Variants in CCDC146 observed in about 807,000 individuals in gnomAD.
CCDC146 encodes coiled-coil domain containing 146.
In CCDC146, 92 loss-of-function variants were observed where a neutral mutation model predicts 119.3. The observed-to-expected ratio is 0.77, with a 90% CI of 0.65 to 0.92. CCDC146 has a LOEUF of 0.92. Among genes scored for constraint, CCDC146 ranks in the 40% least tolerant of loss-of-function variants. The probability of loss-of-function intolerance (pLI) is 0.00; values close to 1 mark genes in which losing one functional copy is unlikely to be tolerated. For synonymous variants in CCDC146, 372 were observed against 371.8 expected (o/e 1.00, Z -0.01); for missense variants, 1,000 against 1,103.0 (o/e 0.91, Z 1.32).
In CCDC146 at chr7:77,262,343, C is replaced by T. The variant is rs766587390; in HGVS notation, c.1173+36C>T. On this transcript the variant is annotated intron_variant, in intron 9 of 18. Coordinates refer to ENST00000285871, the MANE Select transcript of CCDC146 (RefSeq NM_020879.3). ...TAAACTACCATCTGATTTTTAAGCT[C>T]GGTGCTAACTTTTGAAGTAAAAATA... 1.8e-5 allele frequency: 27 copies of T among 1,464,970 alleles called. No individual in the cohort carries two copies. In the East Asian group the frequency reaches 2.2e-4, roughly 12 times the overall value. The allele number at this position is 1,464,970 out of a possible 1,614,324, so 90.7% of individuals were successfully genotyped here.
intron 2 of CCDC146, among the ~76,000 whole-genome samples, chr7:77,207,189 T>TA (rs1792096782): frequency 6.6e-6 from 1 of 152,212 alleles, no homozygotes; most frequent in Non-Finnish European, 1.5e-5. Flanking sequence ...AAGGAAGTCT[T>TA]TTAAAACATG....
At chr7:77,133,182 AT>A (rs1470658484) in intron 1 of CCDC146, among the ~76,000 whole-genome samples, 3 of 151,680 alleles carry the variant, frequency 2.0e-5, no homozygotes, top group Non-Finnish European at 2.9e-5. Flanking sequence ...AAAAAAAAAA[AT>A]TTTTTTTGGC....
intron 17 of CCDC146, among the ~76,000 whole-genome samples, chr7:77,290,023 C>A (rs928761238): frequency 1.3e-5 from 2 of 152,146 alleles, no homozygotes; most frequent in Admixed American, 6.5e-5. Flanking sequence ...CTGGATTAAG[C>A]AAATGTGGTA....
In CCDC146 at chr7:77,293,175, C is replaced by A; in HGVS notation, c.2639C>A (p.Ala880Asp). 1.2e-6 allele frequency: 2 copies of A among 1,614,016 alleles called. No homozygotes were observed. The highest frequency in any genetic ancestry group is 2.2e-5 in the South Asian group (2 of 91,078). ...GTCCTTCGAGATGAAGAAATGCACGCCTTGGCCATCGCTGAAAAGTCTCAG... is the reference window on the plus strand; with the variant it reads ...GTCCTTCGAGATGAAGAAATGCACGACTTGGCCATCGCTGAAAAGTCTCAG... ...LKVLRDEEMH[A>D]LAIAEKSQEF... Residue 880 changes from alanine to aspartate, a missense_variant, in exon 18 of 19, where the codon GCC (alanine) becomes GAC (aspartate). Physicochemically the swap from Ala to Asp is moderately radical, Grantham distance 126. Transcript: ENST00000285871.
Position 77,196,500 on chromosome 7 carries a change from G to GAT in CCDC146, c.156+28679_156+28680dup, listed in dbSNP as rs1562829597. On this transcript the variant is annotated intron_variant, in intron 2 of 18. Coordinates refer to ENST00000285871, the MANE Select transcript of CCDC146 (RefSeq NM_020879.3). The surrounding 1 kb of genome is among the most constrained non-coding windows in gnomAD (Gnocchi z 4.2). ...TAGTACAGCCCACAGTTCCCAGAAG[G>GAT]ATATCGATCATTGTCTTTATCTGGA... is the stretch of plus-strand genomic sequence containing the variant. The GAT allele has an allele frequency of 1.2e-6, 2 of 1,614,096 alleles. No homozygotes were observed. The highest frequency in any genetic ancestry group is 2.2e-5 in the South Asian group (2 of 91,074).
At chr7:77,163,036 A>G (rs1402691790) in intron 1 of CCDC146, among the ~76,000 whole-genome samples, 3 of 152,268 alleles carry the variant, frequency 2.0e-5, no homozygotes, top group Non-Finnish European at 4.4e-5. Flanking sequence ...AAGAATTTGT[A>G]CAGATTCAGC....
Position 77,196,686 on chromosome 7 carries a change from C to G in CCDC146, c.156+28862C>G. 6.2e-7 allele frequency: 1 copy of G among 1,614,204 alleles called. No homozygotes were observed. The highest frequency in any genetic ancestry group is 8.5e-7 in the Non-Finnish European group (1 of 1,180,010). Reference sequence around the variant, plus strand: ...TATAGTTCGACACCATTAAAGTCTTCAAGATCTATTCTCAGAATCATTTCC... The same window carrying G: ...TATAGTTCGACACCATTAAAGTCTTGAAGATCTATTCTCAGAATCATTTCC... On this transcript the variant is annotated intron_variant, in intron 2 of 18. Transcript: ENST00000285871. The surrounding 1 kb of genome is among the most constrained non-coding windows in gnomAD (Gnocchi z 4.2).
intron 1 of CCDC146, among the ~76,000 whole-genome samples, chr7:77,151,904 C>A (rs1196193964): frequency 6.6e-6 from 1 of 152,176 alleles, no homozygotes; most frequent in African/African-American, 2.4e-5. Context: ...ATCCCAGTTT[C>A]AAGGACTTTT....
intron 1 of CCDC146, among the ~76,000 whole-genome samples, chr7:77,153,840 C>T (rs1791141921): frequency 6.6e-6 from 1 of 151,856 alleles, no homozygotes; most frequent in African/African-American, 2.4e-5. Flanking sequence ...CAAGTTTACA[C>T]AAAAATGTGT....
At chr7:77,292,888 G>T (rs1405074015) in intron 17 of CCDC146, 64 bp from the exon 18 acceptor site, 2 of 1,533,196 alleles carry the variant, frequency 1.3e-6, no homozygotes, top group Middle Eastern at 1.7e-4. Context: ...ACAGCCAGCA[G>T]CCTGCCATTT....
At chr7:77,284,158 A>C (rs6465530) in intron 15 of CCDC146, among the ~76,000 whole-genome samples, 4 of 152,186 alleles carry the variant, frequency 2.6e-5, no homozygotes, top group Non-Finnish European at 5.9e-5. Context: ...AGACCATTCA[A>C]GCGAGGCCTC....
chr7:77,194,167 G>A (rs371658564), intron 2 of CCDC146: 14 of 151,912 alleles, frequency 9.2e-5, no homozygotes, highest in East Asian at 7.7e-4. Context: ...TAAATTAATG[G>A]ACACCGTGTA....
intron 2 of CCDC146, among the ~76,000 whole-genome samples, chr7:77,186,632 G>A (rs1189561059): frequency 6.6e-6 from 1 of 152,106 alleles, no homozygotes. Context: ...TAATTGGATT[G>A]TTTGTAACAC....
intron 1 of CCDC146, among the ~76,000 whole-genome samples, chr7:77,125,172 C>T (rs10215274): frequency 0.037 from 5,609 of 150,950 alleles, 370 homozygotes; most frequent in African/African-American, 0.13. Context: ...CCAGCCTGGG[C>T]GGCAAGAGTG....
At chr7:77,292,688 T>A (rs1318531127) in intron 17 of CCDC146, among the ~76,000 whole-genome samples, 1 of 151,920 alleles carries the variant, frequency 6.6e-6, no homozygotes, top group Non-Finnish European at 1.5e-5. Context: ...ACTAAACTGT[T>A]CTCCTCAATG....
In CCDC146 at chr7:77,278,762, C is replaced by T; in HGVS notation, c.1451C>T (p.Thr484Ile). ...TTTTGTACATTTCAGCAAAAATACA[C>T]CAACATTGTTAAAGAAATGAAAGCA... is the stretch of plus-strand genomic sequence containing the variant. ...KDFLKAQQKY[T>I]NIVKEMKAKD... is the part of the protein sequence containing the mutation. Residue 484 changes from threonine to isoleucine, a missense_variant, in exon 12 of 19, where the codon ACC becomes ATC. By Grantham distance (89) the Thr-to-Ile change is moderately conservative. This residue lies in a region of CCDC146 where 985 missense variants were observed against 1,045.3 expected (regional missense o/e 0.94). Coordinates refer to ENST00000285871, the MANE Select transcript of CCDC146 (RefSeq NM_020879.3). 2.5e-6 allele frequency: 4 copies of T among 1,609,702 alleles called. No individual in the cohort carries two copies. The highest frequency in any genetic ancestry group is 2.5e-6 in the Non-Finnish European group (3 of 1,177,562).
intron 2 of CCDC146, among the ~76,000 whole-genome samples, chr7:77,233,659 C>T (rs1792678985): frequency 6.6e-6 from 1 of 152,134 alleles, no homozygotes; most frequent in African/African-American, 2.4e-5. Flanking sequence ...CTAGATCCCT[C>T]ACATGCGCAT....
At chr7:77,231,350 G>GA (rs988601131) in intron 2 of CCDC146, among the ~76,000 whole-genome samples, 3 of 151,940 alleles carry the variant, frequency 2.0e-5, no homozygotes, top group African/African-American at 7.2e-5. Context: ...AATAAGGAAA[G>GA]AAAAAAAAGT....
chr7:77,206,318 A>G (rs115293298), intron 2 of CCDC146, among the ~76,000 whole-genome samples: 3,932 of 152,122 alleles, frequency 0.026, 152 homozygotes, highest in African/African-American at 0.089. Flanking sequence ...TTTCTTTGGC[A>G]TTTTAAAATA....
Sources: allele counts gnomAD v4.1 joint callset (sites outside exome capture counted in the v4.1 genomes callset), GRCh38; gene constraint gnomAD v4.1.1; regional missense constraint gnomAD v4.1.1; non-coding constraint Gnocchi (gnomAD v3.1); transcripts MANE v1.5; gene names NCBI Gene and HGNC (gene_info 2026-07-23, HGNC 2026-07-21).